FNTB: variants seen among roughly 807,000 people sequenced by gnomAD.
FNTB encodes protein farnesyltransferase subunit beta.
Under a neutral mutation model 59.4 loss-of-function variants are expected in FNTB, and 27 were observed. That is an observed-to-expected ratio of 0.45 (90% CI 0.34 to 0.63). The LOEUF is 0.63. Among genes scored for constraint, FNTB ranks in the 20% least tolerant of loss-of-function variants. The pLI is 0.02. For missense variants in FNTB, 449 were observed against 559.6 expected (o/e 0.80, Z 1.99); for synonymous variants, 230 against 220.7 (o/e 1.04, Z -0.37).
At chr14:65,035,758 T>C (rs1463436469) in intron 7 of FNTB, among the ~76,000 whole-genome samples, 1 of 151,994 alleles carries the variant, frequency 6.6e-6, no homozygotes, top group Non-Finnish European at 1.5e-5. Context: ...GGGCTTGAAC[T>C]CCTGGGCTCA....
Position 64,994,935 on chromosome 14 carries a change from T to A in FNTB, c.144+7838T>A, listed in dbSNP as rs57480987. Among the ~76,000 whole-genome samples, 2,019 of 152,300 alleles carry A rather than the reference T, an allele frequency of 0.013. 23 individuals carry two copies. The highest frequency in any genetic ancestry group is 0.029 in the African/African-American group (1,221 of 41,552). Reference sequence around the variant, plus strand: ...TTATTTACTTCATGAACTTAAAAAATTTTTTTACAGCTTTTTGACCCTTTT... The same window carrying A: ...TTATTTACTTCATGAACTTAAAAAAATTTTTTACAGCTTTTTGACCCTTTT... On this transcript the variant is annotated intron_variant, in intron 1 of 11. Coordinates refer to ENST00000246166, the MANE Select transcript of FNTB (RefSeq NM_002028.4). This position sits in a 1 kb window ranked among gnomAD's most constrained non-coding sequence, Gnocchi z 4.2.
chr14:65,000,389 A>C (rs1001209126), intron 1 of FNTB, among the ~76,000 whole-genome samples: 1 of 152,204 alleles, frequency 6.6e-6, no homozygotes, highest in African/African-American at 2.4e-5. Flanking sequence ...AAAAGGAAGA[A>C]GCTCAGGCAA....
At position 65,044,455 on chromosome 14, in the gene FNTB, G is replaced by T. The variant is rs777069619; in HGVS notation, c.955+12G>T. The T allele has an allele frequency of 6.3e-7, 1 of 1,596,800 alleles. No individual in the cohort carries two copies. ...ACTGCACGCCCAAGGTGAGCCTGGG[G>T]AGCTGTTCACTTGGGGCTGGATGAT... On this transcript the variant is annotated intron_variant, in intron 9 of 11. Coordinates refer to ENST00000246166, the MANE Select transcript of FNTB (RefSeq NM_002028.4). The surrounding 1 kb of genome is among the most constrained non-coding windows in gnomAD (Gnocchi z 5.5).
chr14:64,993,063 G>C (rs903516091), intron 1 of FNTB, among the ~76,000 whole-genome samples: 2 of 152,022 alleles, frequency 1.3e-5, no homozygotes, highest in Non-Finnish European at 2.9e-5. Flanking sequence ...TCCCGAACTC[G>C]AGCTATCCGC....
intron 11 of FNTB, among the ~76,000 whole-genome samples, chr14:65,057,757 T>TATC (rs1205295615): frequency 2.6e-5 from 4 of 152,220 alleles, no homozygotes; most frequent in Non-Finnish European, 5.9e-5. Context: ...GATATAATGT[T>TATC]ATCTTTTTTC....
At position 65,044,496 on chromosome 14, in the gene FNTB, A is replaced by G; in HGVS notation, c.955+53A>G. The stretch of plus-strand genomic sequence containing the variant: ...GCTGGATGATTTCCCTCCACTACTC[A>G]CAAAGTCTGGAAGCCCAGCGTGCTT... On this transcript the variant is annotated intron_variant, in intron 9 of 11. Coordinates refer to ENST00000246166, the MANE Select transcript of FNTB (RefSeq NM_002028.4). This position sits in a 1 kb window ranked among gnomAD's most constrained non-coding sequence, Gnocchi z 5.5. The G allele has an allele frequency of 3.8e-6, 6 of 1,566,180 alleles. No individual in the cohort carries two copies. The South Asian group carries it at 7.2e-5, about 19-fold the overall frequency.
chr14:65,051,780 T>C (rs1371195860), intron 9 of FNTB, among the ~76,000 whole-genome samples: 1 of 151,866 alleles, frequency 6.6e-6, no homozygotes, highest in African/African-American at 2.4e-5. Context: ...TAAACTTTTA[T>C]AATTTTCACC....
chr14:65,034,869 G>A (rs2062154855), intron 7 of FNTB, among the ~76,000 whole-genome samples: 1 of 152,162 alleles, frequency 6.6e-6, no homozygotes, highest in African/African-American at 2.4e-5. Flanking sequence ...TGATATGATG[G>A]TGGAGGTGTC....
chr14:65,045,751 A>C (rs993061505), intron 9 of FNTB, among the ~76,000 whole-genome samples: 3 of 151,798 alleles, frequency 2.0e-5, no homozygotes, highest in Non-Finnish European at 4.4e-5. Flanking sequence ...ATTTCCTTTG[A>C]GTTGTTGAGT....
chr14:65,004,302 C>T lies in FNTB; in HGVS notation c.198C>T (p.His66=). The T allele has an allele frequency of 6.2e-7, 1 of 1,613,026 alleles. No individual in the cohort carries two copies. The highest frequency in any genetic ancestry group is 8.5e-7 in the Non-Finnish European group (1 of 1,179,422). ...QEVFSSYKFN[H]LVPRLVLQRE... is the part of the protein sequence containing the mutation. ...TCTTCAGTTCTTACAAGTTCAACCA[C>T]CTTGTACCAAGGTAAGCTGTGGTTA... Residue 66 remains histidine, a synonymous_variant, in exon 2 of 12, where the codon CAC becomes CAT. Transcript: ENST00000246166.
At chr14:65,013,116 C>T (rs1441097533) in intron 3 of FNTB, among the ~76,000 whole-genome samples, 2 of 152,096 alleles carry the variant, frequency 1.3e-5, no homozygotes, top group Non-Finnish European at 2.9e-5. Context: ...TATTTTTAAT[C>T]TGCTTTTTAT....
intron 7 of FNTB, among the ~76,000 whole-genome samples, chr14:65,034,402 T>C (rs142167621): frequency 1.3e-5 from 2 of 152,398 alleles, no homozygotes; most frequent in African/African-American, 4.8e-5. Context: ...ACATTTTTAA[T>C]ATCTTGCATG....
chr14:65,021,449 G>C (rs2061884768), intron 4 of FNTB, among the ~76,000 whole-genome samples: 1 of 152,096 alleles, frequency 6.6e-6, no homozygotes, highest in Non-Finnish European at 1.5e-5. Context: ...TTTAAGTCTA[G>C]TTTGTATGTT....
chr14:65,048,830 G>A (rs1394388942), intron 9 of FNTB, among the ~76,000 whole-genome samples: 1 of 151,828 alleles, frequency 6.6e-6, no homozygotes, highest in Non-Finnish European at 1.5e-5. Context: ...CAGCCTGAGC[G>A]ACAGAGCAAG....
chr14:64,992,980 C>T (rs1594982219), intron 1 of FNTB, among the ~76,000 whole-genome samples: 2 of 152,146 alleles, frequency 1.3e-5, no homozygotes, highest in East Asian at 3.9e-4. Context: ...GAACTACTGG[C>T]GTGCGCTACC....
chr14:65,025,539 G>T (rs2061963133), intron 4 of FNTB, among the ~76,000 whole-genome samples: 1 of 152,220 alleles, frequency 6.6e-6, no homozygotes, highest in African/African-American at 2.4e-5. Context: ...CACATGCTGG[G>T]CATGATGGCT....
chr14:65,022,856 C>G lies in FNTB; in HGVS notation c.375-4597C>G, dbSNP rs570852082. On this transcript the variant is annotated intron_variant, in intron 4 of 11. Coordinates refer to ENST00000246166, the MANE Select transcript of FNTB (RefSeq NM_002028.4). ...ATTACTGGTCTTTTCCTGCTATGTT[C>G]CTAGTCATTTCCCATATTCATGTGC... 7.9e-5 allele frequency among the ~76,000 whole-genome samples: 12 copies of G among 152,218 alleles called. No individual in the cohort carries two copies. In the East Asian group the frequency reaches 2.3e-3, roughly 29 times the overall value.
rs185306778 is a variant in FNTB, at chr14:65,012,787, C to T, written c.282+398C>T. On this transcript the variant is annotated intron_variant, in intron 3 of 11. Transcript: ENST00000246166. The surrounding 1 kb of genome is among the most constrained non-coding windows in gnomAD (Gnocchi z 5.0). ...TTGTCCAAACCTGTTAAGTCTGTAT[C>T]GTGATGGTTACAAATTTTCCAACTT... 2.8e-4 allele frequency among the ~76,000 whole-genome samples: 43 copies of T among 152,284 alleles called. No individual in the cohort carries two copies. Among genetic ancestry groups the T allele is most frequent in the Non-Finnish European group, 3.2e-4 (22 of 68,030 alleles).
chr14:65,025,988 C>T (rs1232248452), intron 4 of FNTB, among the ~76,000 whole-genome samples: 2 of 152,122 alleles, frequency 1.3e-5, no homozygotes, highest in African/African-American at 4.8e-5. Context: ...TTTCTCTGCC[C>T]GGATAATGGG....
Sources: allele counts gnomAD v4.1 joint callset (sites outside exome capture counted in the v4.1 genomes callset), GRCh38; gene constraint gnomAD v4.1.1; non-coding constraint Gnocchi (gnomAD v3.1); transcripts MANE v1.5; gene names NCBI Gene and HGNC (gene_info 2026-07-23, HGNC 2026-07-21).